Variants in KMO observed in about 807,000 individuals in gnomAD.
The protein encoded by KMO is kynurenine 3-hydroxylase.
Under a neutral mutation model 57.8 loss-of-function variants are expected in KMO, and 24 were observed. The observed-to-expected ratio is 0.42, with a 90% CI of 0.30 to 0.58. KMO has a LOEUF of 0.58. Ranked by LOEUF, KMO falls within the 20% of genes least tolerant of loss-of-function variation. The pLI is 0.22. For missense variants in KMO, 483 were observed against 588.2 expected (o/e 0.82, Z 1.85); for synonymous variants, 210 against 193.6 (o/e 1.08, Z -0.70).
intron 9 of KMO, among the ~76,000 whole-genome samples, chr1:241,568,281 A>G (rs1662154158): frequency 6.6e-6 from 1 of 152,194 alleles, no homozygotes; most frequent in Non-Finnish European, 1.5e-5. Flanking sequence ...CCAAACTTTT[A>G]TTTTTAATGT....
chr1:241,581,279 C>A (rs1011905196), intron 10 of KMO, among the ~76,000 whole-genome samples: 1 of 151,992 alleles, frequency 6.6e-6, no homozygotes, highest in African/African-American at 2.4e-5. Flanking sequence ...TTTATACATC[C>A]AACTGCTCTA....
chr1:241,590,506 T>C (rs747994890), intron 14 of KMO, among the ~76,000 whole-genome samples: 13 of 152,356 alleles, frequency 8.5e-5, no homozygotes, highest in Admixed American at 1.3e-4. Context: ...CTAATATTTC[T>C]CAACTTTTTA....
chr1:241,568,812 A>G (rs567735442), intron 10 of KMO, among the ~76,000 whole-genome samples, 165 bp downstream of exon 10: 1 of 152,186 alleles, frequency 6.6e-6, no homozygotes, highest in South Asian at 2.1e-4. Flanking sequence ...CACTCTAATC[A>G]GAATTTGGTT....
intron 1 of KMO, among the ~76,000 whole-genome samples, chr1:241,539,371 G>A (rs1329158714): frequency 9.5e-6 from 1 of 104,730 alleles, no homozygotes; most frequent in African/African-American, 6.5e-5. Context: ...GCAACGGAGT[G>A]AGACTCCGTC....
chr1:241,544,638 A>G (rs1311351645), intron 1 of KMO, among the ~76,000 whole-genome samples: 2 of 152,192 alleles, frequency 1.3e-5, no homozygotes, highest in South Asian at 2.1e-4. Flanking sequence ...ACATTTGTCA[A>G]GAAAAAATTA....
chr1:241,570,694 T>C (rs1433521780), intron 10 of KMO, among the ~76,000 whole-genome samples: 4 of 152,144 alleles, frequency 2.6e-5, no homozygotes, highest in African/African-American at 4.8e-5. Context: ...AGTTTTGTAG[T>C]ATAATTTGAA....
intron 10 of KMO, among the ~76,000 whole-genome samples, chr1:241,582,844 G>C (rs550116793): frequency 6.6e-6 from 1 of 152,152 alleles, no homozygotes. Context: ...TGATATCTGG[G>C]TGTTGAAGAA....
At chr1:241,567,271 A>G (rs1179330674) in intron 9 of KMO, among the ~76,000 whole-genome samples, 2 of 152,232 alleles carry the variant, frequency 1.3e-5, no homozygotes, top group Admixed American at 6.5e-5. Flanking sequence ...TATTGCTCGC[A>G]GTTCTAAAGG....
At chr1:241,587,131 CAG>C (rs1558431840) in intron 11 of KMO, among the ~76,000 whole-genome samples, 4 of 152,222 alleles carry the variant, frequency 2.6e-5, no homozygotes, top group Non-Finnish European at 4.4e-5. Context: ...TTTCCACAGA[CAG>C]GGGGTGGGGG....
intron 10 of KMO, among the ~76,000 whole-genome samples, chr1:241,576,233 A>G (rs540329837): frequency 2.6e-4 from 40 of 152,056 alleles, no homozygotes; most frequent in Non-Finnish European, 2.2e-4. Flanking sequence ...TATATTTTTT[A>G]AGAGGAGCAT....
intron 8 of KMO, among the ~76,000 whole-genome samples, chr1:241,565,675 G>C (rs1016321027): frequency 3.3e-5 from 5 of 151,680 alleles, no homozygotes; most frequent in African/African-American, 1.2e-4. Flanking sequence ...AGTAAGCCGT[G>C]ATCATCCCAT....
chr1:241,589,392 T>C (rs1663156556), intron 12 of KMO, among the ~76,000 whole-genome samples: 1 of 152,154 alleles, frequency 6.6e-6, no homozygotes, highest in African/African-American at 2.4e-5. Flanking sequence ...AGTTTTAAAA[T>C]AATAAAATGA....
At chr1:241,551,792 C>G (rs1266810793) in intron 4 of KMO, among the ~76,000 whole-genome samples, 1 of 152,184 alleles carries the variant, frequency 6.6e-6, no homozygotes, top group Non-Finnish European at 1.5e-5. Flanking sequence ...TCTTCTAAGT[C>G]TCTGACCCTC....
chr1:241,580,311 G>T (rs1383561044), intron 10 of KMO, among the ~76,000 whole-genome samples: 1 of 152,088 alleles, frequency 6.6e-6, no homozygotes, highest in Non-Finnish European at 1.5e-5. Flanking sequence ...ATCTTCCCAA[G>T]TGGGAGAGGC....
At chr1:241,571,748 T>C (rs559442121) in intron 10 of KMO, among the ~76,000 whole-genome samples, 27 of 152,202 alleles carry the variant, frequency 1.8e-4, no homozygotes, top group African/African-American at 6.3e-4. Context: ...AGTTTCCTTT[T>C]TTTGTTACGT....
intron 10 of KMO, among the ~76,000 whole-genome samples, chr1:241,571,501 T>C (rs1472459149): frequency 6.6e-6 from 1 of 152,212 alleles, no homozygotes; most frequent in Non-Finnish European, 1.5e-5. Context: ...TGAAGGGATG[T>C]TGAATTCTAC....
chr1:241,583,924 G>A (rs2147980842), intron 10 of KMO, among the ~76,000 whole-genome samples: 1 of 152,168 alleles, frequency 6.6e-6, no homozygotes, highest in East Asian at 1.9e-4. Context: ...GCATAAATAT[G>A]TAACATTAGC....
intron 1 of KMO, among the ~76,000 whole-genome samples, chr1:241,548,272 A>T (rs926132956): frequency 1.9e-4 from 29 of 152,232 alleles, no homozygotes; most frequent in African/African-American, 7.0e-4. Context: ...CTCTACAAAA[A>T]AACTTAAAAA....
intron 10 of KMO, among the ~76,000 whole-genome samples, chr1:241,570,664 C>A (rs1439459772): frequency 6.6e-6 from 1 of 152,050 alleles, no homozygotes; most frequent in Admixed American, 6.5e-5. Context: ...ATGCCCGTAC[C>A]ATGATGTTTT....
Sources: gnomAD v4.1 joint callset for allele counts (sites outside exome capture counted in the v4.1 genomes callset) on GRCh38, gnomAD v4.1.1 for gene constraint, MANE v1.5 for transcripts, NCBI Gene and HGNC (gene_info 2026-07-23, HGNC 2026-07-21) for gene names.